EDEM1: variants seen among roughly 807,000 people sequenced by gnomAD.
EDEM1 encodes ER degradation-enhancing alpha-mannosidase-like protein 1.
In EDEM1, 67 loss-of-function variants were observed where a neutral mutation model predicts 74.4. The observed-to-expected ratio is 0.90, with a 90% confidence interval of 0.74 to 1.10. EDEM1 has a LOEUF of 1.10. EDEM1 is among the 50% of genes least tolerant of loss of function. The pLI, the probability that EDEM1 is intolerant of heterozygous loss-of-function variation, is 0.00. For missense variants in EDEM1, 926 were observed against 851.6 expected, an observed-to-expected ratio of 1.09 and a Z score of -1.09; for synonymous variants, 382 against 335.9, an observed-to-expected ratio of 1.14 and a Z score of -1.50.
At chr3:5,201,660 G>A in intron 3 of EDEM1, 93 bp from the exon 4 acceptor site, 1 of 1,475,764 alleles carries the variant, frequency 6.8e-7, no homozygotes, top group Admixed American at 1.7e-5. Flanking sequence ...CTGAGTCTAT[G>A]TGGATATGAA....
intron 10 of EDEM1, among the ~76,000 whole-genome samples, chr3:5,211,801 T>A (rs1275600402): frequency 6.6e-6 from 1 of 152,184 alleles, no homozygotes; most frequent in African/African-American, 2.4e-5. Context: ...GGCGACTTGC[T>A]CAAAGTATGG....
chr3:5,218,052 C>T lies in EDEM1; in HGVS notation c.*2134C>T, dbSNP rs2055263183. On this transcript the variant is annotated 3_prime_UTR_variant, in exon 12 of 12. Coordinates refer to ENST00000256497, the MANE Select transcript of EDEM1 (RefSeq NM_014674.3). Reference sequence around the variant, plus strand: ...CTCGAGCAAGCCTGGGTGTTCCTTCCTCCTCATGCTCCTGGAATAGGGAAT... The same window carrying T: ...CTCGAGCAAGCCTGGGTGTTCCTTCTTCCTCATGCTCCTGGAATAGGGAAT... 6.6e-6 allele frequency: 1 copy of T among 152,254 alleles called. No individual in the cohort carries two copies. The highest frequency in any genetic ancestry group is 2.1e-4 in the South Asian group (1 of 4,836). The allele number at this position is 152,254 out of a possible 1,614,324, so 9.4% of individuals were successfully genotyped here. A position where few individuals can be genotyped will look rare whatever the true frequency, so the allele number is the denominator to read the frequency against.
At chr3:5,207,330 C>A in intron 7 of EDEM1, 57 bp downstream of exon 7, 1 of 1,599,476 alleles carries the variant, frequency 6.3e-7, no homozygotes, top group Non-Finnish European at 8.5e-7. Flanking sequence ...GCTTCTCCCT[C>A]CTTTTCTTTC....
At chr3:5,200,172 TCCG>T (rs2055017498) in intron 3 of EDEM1, among the ~76,000 whole-genome samples, 1 of 152,222 alleles carries the variant, frequency 6.6e-6, no homozygotes, top group Admixed American at 6.5e-5. Flanking sequence ...CCTCAAGTGA[TCCG>T]CCTGCCTTGG....
In EDEM1 at chr3:5,219,433, A is replaced by G. The variant is rs2106616540; in HGVS notation, c.*3515A>G. 1.3e-5 allele frequency: 2 copies of G among 152,242 alleles called. No individual in the cohort carries two copies. Among genetic ancestry groups the G allele is most frequent in the African/African-American group, 4.8e-5 (2 of 41,552 alleles). The allele number at this position is 152,242 out of a possible 1,614,324, so 9.4% of individuals were successfully genotyped here. ...TTCTAGTGCCTCTTCCCTGCAGGGC[A>G]GGGACCCCTTGGGAAATCGAGGAGG... On this transcript the variant is annotated 3_prime_UTR_variant, in exon 12 of 12. Transcript: ENST00000256497.
chr3:5,194,805 G>A (rs1439582026), intron 1 of EDEM1, among the ~76,000 whole-genome samples: 2 of 152,316 alleles, frequency 1.3e-5, no homozygotes, highest in East Asian at 3.9e-4. Flanking sequence ...TCTAATTTCT[G>A]TATTAAAGTA....
intron 7 of EDEM1, 152 bp downstream of exon 7, chr3:5,207,425 A>G: frequency 8.6e-7 from 1 of 1,159,374 alleles, no homozygotes. Context: ...TGTTTGAGAA[A>G]TTAGTCTCCA....
chr3:5,201,505 A>C (rs1174588291), intron 3 of EDEM1, among the ~76,000 whole-genome samples: 2 of 152,172 alleles, frequency 1.3e-5, no homozygotes, highest in African/African-American at 4.8e-5. Flanking sequence ...TACTATTTTA[A>C]ATAGCATTGT....
intron 8 of EDEM1, among the ~76,000 whole-genome samples, chr3:5,209,909 A>T (rs563294650): frequency 6.6e-6 from 1 of 152,232 alleles, no homozygotes; most frequent in Non-Finnish European, 1.5e-5. Flanking sequence ...CATGATGGCA[A>T]CCAAAGTAGA....
intron 3 of EDEM1, among the ~76,000 whole-genome samples, chr3:5,200,840 T>G (rs909336077): frequency 6.6e-6 from 1 of 152,054 alleles, no homozygotes; most frequent in Non-Finnish European, 1.5e-5. Flanking sequence ...CAAAAATTAC[T>G]TAGTATTTGT....
rs907605631 is a variant in EDEM1, at chr3:5,218,372, A to G, written c.*2454A>G. 7.1e-6 allele frequency: 1 copy of G among 141,376 alleles called. No individual in the cohort carries two copies. Among genetic ancestry groups the G allele is most frequent in the Admixed American group, 7.0e-5 (1 of 14,326 alleles). The allele number at this position is 141,376 out of a possible 1,614,324, so 8.8% of individuals were successfully genotyped here. A position where few individuals can be genotyped will look rare whatever the true frequency, so the allele number is the denominator to read the frequency against. Reference sequence around the variant, plus strand: ...TTACTTGTTTTTTTTTTTTTTTTTTAAAGTCAGAATGTTAACAGCTGTGAT... The same window carrying G: ...TTACTTGTTTTTTTTTTTTTTTTTTGAAGTCAGAATGTTAACAGCTGTGAT... On this transcript the variant is annotated 3_prime_UTR_variant, in exon 12 of 12. Coordinates refer to ENST00000256497, the MANE Select transcript of EDEM1 (RefSeq NM_014674.3).
chr3:5,207,965 G>T, intron 7 of EDEM1, 128 bp from the exon 8 acceptor site: 2 of 1,192,088 alleles, frequency 1.7e-6, no homozygotes, highest in Admixed American at 2.7e-5. Flanking sequence ...GGTTGGTTTT[G>T]TCTTTAACCG....
intron 11 of EDEM1, among the ~76,000 whole-genome samples, chr3:5,214,003 A>G (rs1191296804): frequency 6.6e-6 from 1 of 152,172 alleles, no homozygotes; most frequent in Non-Finnish European, 1.5e-5. Context: ...CAGCAAAATC[A>G]TTTACCAGCA....
chr3:5,209,252 A>G (rs1162020337), intron 8 of EDEM1, among the ~76,000 whole-genome samples: 1 of 152,152 alleles, frequency 6.6e-6, no homozygotes, highest in African/African-American at 2.4e-5. Flanking sequence ...GTTTTAGGTA[A>G]CCTCTCAAAA....
intron 1 of EDEM1, 169 bp downstream of exon 1, chr3:5,188,483 GC>G: frequency 1.4e-6 from 1 of 713,852 alleles, no homozygotes; most frequent in East Asian, 3.6e-5. Context: ...AGACCCCCGA[GC>G]TTGAGGGTGC....
chr3:5,196,990 G>A lies in EDEM1; in HGVS notation c.582+1709G>A, dbSNP rs539697843. ...TGCCGCCAGGCTGGAGTGCTGTGGC[G>A]TGATCTTGGCTCACTTCAACCTTCA... On this transcript the variant is annotated intron_variant, in intron 2 of 11. Coordinates refer to ENST00000256497, the MANE Select transcript of EDEM1 (RefSeq NM_014674.3). Among the ~76,000 whole-genome samples, 171 of 147,852 alleles carry A rather than the reference G, an allele frequency of 1.2e-3. 1 individual carries two copies. The highest frequency in any genetic ancestry group is 3.9e-3 in the African/African-American group (154 of 39,754).
At chr3:5,213,069 C>T (rs893676383) in intron 10 of EDEM1, among the ~76,000 whole-genome samples, 4 of 152,176 alleles carry the variant, frequency 2.6e-5, no homozygotes, top group African/African-American at 9.7e-5. Flanking sequence ...TTCTGAGTCT[C>T]TGCGTCTGGG....
At position 5,217,708 on chromosome 3, in the gene EDEM1, A is replaced by ACAGT. The variant is rs1439785150; in HGVS notation, c.*1791_*1794dup. On this transcript the variant is annotated 3_prime_UTR_variant, in exon 12 of 12. Transcript: ENST00000256497. ...TTCAGAAGCATTATTCTGTTTATTAACAGTGTCCCATCTACTGAATAGAAA... is the reference window on the plus strand; with the variant it reads ...TTCAGAAGCATTATTCTGTTTATTAACAGTCAGTGTCCCATCTACTGAATAGAAA... 3.9e-5 allele frequency: 6 copies of ACAGT among 152,304 alleles called. No individual in the cohort carries two copies. The highest frequency in any genetic ancestry group is 7.3e-5 in the Non-Finnish European group (5 of 68,038). The allele number at this position is 152,304 out of a possible 1,614,324, so 9.4% of individuals were successfully genotyped here.
chr3:5,207,805 G>C (rs891894481), intron 7 of EDEM1, among the ~76,000 whole-genome samples: 3 of 152,200 alleles, frequency 2.0e-5, no homozygotes, highest in Non-Finnish European at 4.4e-5. Flanking sequence ...ACTGTGCTGG[G>C]CTGTGTGAGA....
Sources: gnomAD v4.1 joint callset for allele counts (sites outside exome capture counted in the v4.1 genomes callset) on GRCh38, gnomAD v4.1.1 for gene constraint, MANE v1.5 for transcripts, NCBI Gene and HGNC (gene_info 2026-07-23, HGNC 2026-07-21) for gene names.